The following KCNQ1 variants were observed in gnomAD, a reference collection of about 807,000 sequenced individuals.
KCNQ1 encodes the protein potassium voltage-gated channel subfamily KQT member 1.
KCNQ1 carries 49 observed loss-of-function variants against 72.4 expected under a neutral mutation model. The observed-to-expected ratio is 0.68, with a 90% CI of 0.54 to 0.86. KCNQ1 has a LOEUF of 0.86. Ranked by LOEUF, KCNQ1 falls within the 40% of genes least tolerant of loss-of-function variation. The pLI, the probability that KCNQ1 is intolerant of heterozygous loss-of-function variation, is 0.00. For synonymous variants in KCNQ1, 450 were observed against 412.6 expected (o/e 1.09, Z -1.10); for missense variants, 790 against 945.1 (o/e 0.84, Z 2.15).
rs141458220 is a variant in KCNQ1 at position 2,651,957 on chromosome 11, G to C, written c.1394-10004G>C. On this transcript the variant is annotated intron_variant, in intron 10 of 15. Transcript: ENST00000155840. The surrounding 1 kb of genome is among the most constrained non-coding windows in gnomAD (Gnocchi z 6.1). ...CAGCCCTCCTGCAGCCAGCAGCAGT[G>C]GGGGAGCCAAGCTGAGTTGATTACT... 1.0e-5 allele frequency: 4 copies of C among 398,686 alleles called. No homozygotes were observed. Among genetic ancestry groups the C allele is most frequent in the Non-Finnish European group, 1.8e-5 (4 of 226,122 alleles). 24.7% of individuals were successfully genotyped at this position (398,686 alleles called of 1,614,324 possible). A position where few individuals can be genotyped will look rare whatever the true frequency, so the allele number is the denominator to read the frequency against.
At position 2,585,200 on chromosome 11, in the gene KCNQ1, A is replaced by C. The variant is rs200423553; in HGVS notation, c.1033-12A>C. The C allele has an allele frequency of 3.1e-6, 5 of 1,613,222 alleles. No individual in the cohort carries two copies. The Admixed American group carries it at 5.0e-5, about 16-fold the overall frequency. ...CTGTGTGGACGGGAGCCTCCTGTCCATTCCTTCCCAGGGGATTCTTGGCTC... is the reference window on the plus strand; with the variant it reads ...CTGTGTGGACGGGAGCCTCCTGTCCCTTCCTTCCCAGGGGATTCTTGGCTC... On this transcript the variant is annotated splice_polypyrimidine_tract_variant and intron_variant, in intron 7 of 15. Transcript: ENST00000155840.
intron 6 of KCNQ1, among the ~76,000 whole-genome samples, chr11:2,583,192 G>T (rs925642746): frequency 6.6e-6 from 1 of 152,166 alleles, no homozygotes; most frequent in African/African-American, 2.4e-5. Context: ...GCCCTTCGTG[G>T]GTGCTGGGCT....
Position 2,602,357 on chromosome 11 carries a change from A to C in KCNQ1, c.1393+13503A>C, listed in dbSNP as rs753264303. On this transcript the variant is annotated intron_variant, in intron 10 of 15. Transcript: ENST00000155840. This position sits in a 1 kb window ranked among gnomAD's most constrained non-coding sequence, Gnocchi z 4.8. Reference sequence around the variant, plus strand: ...TACAGCAGCCATGGGAACCTTATACATTGATAAGGATGACATGAATATTCT... The same window carrying C: ...TACAGCAGCCATGGGAACCTTATACCTTGATAAGGATGACATGAATATTCT... 6.6e-6 allele frequency among the ~76,000 whole-genome samples: 1 copy of C among 151,992 alleles called. No individual in the cohort carries two copies. Among genetic ancestry groups the C allele is most frequent in the East Asian group, 1.9e-4 (1 of 5,190 alleles).
At position 2,498,130 on chromosome 11, in the gene KCNQ1, T is replaced by C. The variant is rs7945539; in HGVS notation, c.387-29798T>C. On this transcript the variant is annotated intron_variant, in intron 1 of 15. Transcript: ENST00000155840. This position sits in a 1 kb window ranked among gnomAD's most constrained non-coding sequence, Gnocchi z 4.8. ...TTGACCCCTGTTGGGAGGTCTTGCC[T>C]GCTCAGGAGGCATGGGGCTCAGGGA... 0.54 allele frequency among the ~76,000 whole-genome samples: 81,462 copies of C among 152,086 alleles called. 23,282 individuals carry two copies. Among genetic ancestry groups the C allele is most frequent in the Non-Finnish European group, 0.64 (43,504 of 67,986 alleles).
Position 2,572,950 on chromosome 11 carries a change from G to A in KCNQ1, c.885G>A (p.Glu295=). The change falls in exon 6 of 16, where the codon GAG becomes GAA. Residue 295 remains glutamate (E), a synonymous_variant. Transcript: ENST00000155840. ...CGGTGAACGAGTCAGGCCGCGTGGA[G>A]TTCGGCAGCTACGCAGATGCGCTGT... ...KDAVNESGRV[E]FGSYADALWW... The A allele has an allele frequency of 6.2e-7, 1 of 1,613,840 alleles. No homozygotes were observed. The highest frequency in any genetic ancestry group is 8.5e-7 in the Non-Finnish European group (1 of 1,180,018).
intron 1 of KCNQ1, among the ~76,000 whole-genome samples, chr11:2,525,473 A>C (rs78982111): frequency 0.02 from 3,036 of 152,334 alleles, 107 homozygotes; most frequent in African/African-American, 0.069. Flanking sequence ...AGGAGCACCC[A>C]GAGGGAGCCT....
chr11:2,713,743 C>T lies in KCNQ1; in HGVS notation c.1514+51662C>T, dbSNP rs1564868357. 6.6e-6 allele frequency among the ~76,000 whole-genome samples: 1 copy of T among 152,202 alleles called. No individual in the cohort carries two copies. Among genetic ancestry groups the T allele is most frequent in the Non-Finnish European group, 1.5e-5 (1 of 68,048 alleles). On this transcript the variant is annotated intron_variant, in intron 11 of 15. Coordinates refer to ENST00000155840, the MANE Select transcript of KCNQ1 (RefSeq NM_000218.3). The surrounding 1 kb of genome is among the most constrained non-coding windows in gnomAD (Gnocchi z 5.6). Reference sequence around the variant, plus strand: ...GAAGGCCTGGGGAGGAATCTGGGTTCTCTTGGCTGCTGGTAAGATTATCCA... The same window carrying T: ...GAAGGCCTGGGGAGGAATCTGGGTTTTCTTGGCTGCTGGTAAGATTATCCA...
chr11:2,637,283 A>G (rs1849487273), intron 10 of KCNQ1: 1 of 152,080 alleles, frequency 6.6e-6, no homozygotes, highest in South Asian at 2.1e-4. Context: ...TAGGGCATCA[A>G]TTTTAGATTT....
intron 1 of KCNQ1, among the ~76,000 whole-genome samples, chr11:2,512,590 C>T (rs1847228196): frequency 6.6e-6 from 1 of 152,246 alleles, no homozygotes; most frequent in African/African-American, 2.4e-5. Flanking sequence ...CGGGGATGTG[C>T]AGCCCTGCCC....
Position 2,776,299 on chromosome 11 carries a change from A to G in KCNQ1, c.1685+245A>G, listed in dbSNP as rs111975940. 1.6e-3 allele frequency among the ~76,000 whole-genome samples: 242 copies of G among 152,126 alleles called. 1 individual carries two copies. Among genetic ancestry groups the G allele is most frequent in the African/African-American group, 5.6e-3 (232 of 41,514 alleles). ...CGCCCGGATCTGAGATGATGGGGGA[A>G]TTGGGGTAGGGGAGGCGCGTAGGGG... On this transcript the variant is annotated intron_variant, in intron 13 of 15. Coordinates refer to ENST00000155840, the MANE Select transcript of KCNQ1 (RefSeq NM_000218.3).
Position 2,446,964 on chromosome 11 carries a change from G to A in KCNQ1, c.386+1480G>A, listed in dbSNP as rs544910770. 1.6e-4 allele frequency among the ~76,000 whole-genome samples: 25 copies of A among 152,218 alleles called. No homozygotes were observed. The highest frequency in any genetic ancestry group is 6.5e-4 in the Admixed American group (10 of 15,282). ...GCCAGGTTCACAGGTGCTGTGTGCT[G>A]GTGGCCACCTGCCTCCCGGACCCCA... On this transcript the variant is annotated intron_variant, in intron 1 of 15. Transcript: ENST00000155840. This position sits in a 1 kb window ranked among gnomAD's most constrained non-coding sequence, Gnocchi z 8.8.
In KCNQ1 at chr11:2,687,466, G is replaced by A. The variant is rs1850509981; in HGVS notation, c.1514+25385G>A. 1 of 398,694 alleles carries A rather than the reference G, an allele frequency of 2.5e-6. No homozygotes were observed. Among genetic ancestry groups the A allele is most frequent in the African/African-American group, 2.1e-5 (1 of 48,612 alleles). The allele number at this position is 398,694 out of a possible 1,614,324, so 24.7% of individuals were successfully genotyped here. On this transcript the variant is annotated intron_variant, in intron 11 of 15. Coordinates refer to ENST00000155840, the MANE Select transcript of KCNQ1 (RefSeq NM_000218.3). This position sits in a 1 kb window ranked among gnomAD's most constrained non-coding sequence, Gnocchi z 5.0. ...GATCCCTGCCTGCACAAGAGCTGCT[G>A]CAGCATTTCAATAGGGCCATCCCAG... is the stretch of plus-strand genomic sequence containing the variant.
At chr11:2,834,452 C>T (rs564057982) in intron 15 of KCNQ1, among the ~76,000 whole-genome samples, 1 of 152,316 alleles carries the variant, frequency 6.6e-6, no homozygotes, top group South Asian at 2.1e-4. Flanking sequence ...CTCAAGGCCT[C>T]CAGGCACAGC....
Position 2,657,970 on chromosome 11 carries a change from G to A in KCNQ1, c.1394-3991G>A, listed in dbSNP as rs541675608. The A allele has an allele frequency of 7.5e-6, 3 of 398,460 alleles. No individual in the cohort carries two copies. In the South Asian group the frequency reaches 3.8e-4, roughly 51 times the overall value. The allele number at this position is 398,460 out of a possible 1,614,324, so 24.7% of individuals were successfully genotyped here. On this transcript the variant is annotated intron_variant, in intron 10 of 15. Transcript: ENST00000155840. The surrounding 1 kb of genome is among the most constrained non-coding windows in gnomAD (Gnocchi z 4.8). The stretch of plus-strand genomic sequence containing the variant: ...CCTTGAGCCACTCGTTTAAAGTGGT[G>A]TCGGCCAGGCTCCTCCACTGTAAGT...
chr11:2,654,530 G>C lies in KCNQ1; in HGVS notation c.1394-7431G>C. ...GAGCCCTGGAAAGCTTGTGGAAGAG[G>C]GCTTGGGTTACACCTGGGAGATTAG... On this transcript the variant is annotated intron_variant, in intron 10 of 15. Transcript: ENST00000155840. This position sits in a 1 kb window ranked among gnomAD's most constrained non-coding sequence, Gnocchi z 6.4. The C allele has an allele frequency of 2.5e-6, 1 of 398,800 alleles. No homozygotes were observed. The highest frequency in any genetic ancestry group is 3.6e-5 in the East Asian group (1 of 28,074). 24.7% of individuals were successfully genotyped at this position (398,800 alleles called of 1,614,324 possible). A position where few individuals can be genotyped will look rare whatever the true frequency, so the allele number is the denominator to read the frequency against.
In KCNQ1 at chr11:2,559,331, C is replaced by T. The variant is rs1165381573; in HGVS notation, c.478-11297C>T. On this transcript the variant is annotated intron_variant, in intron 2 of 15. Transcript: ENST00000155840. This position sits in a 1 kb window ranked among gnomAD's most constrained non-coding sequence, Gnocchi z 4.9. The stretch of plus-strand genomic sequence containing the variant: ...TGGCTCCCCTTAGGCCAGGGGTAGA[C>T]GCAGGCACAGGGAGGATCAGGAAAG... Among the ~76,000 whole-genome samples, 6 of 152,286 alleles carry T rather than the reference C, an allele frequency of 3.9e-5. No individual in the cohort carries two copies. The highest frequency in any genetic ancestry group is 4.1e-4 in the South Asian group (2 of 4,828).
chr11:2,665,026 G>T (rs748704337), intron 11 of KCNQ1: 3 of 398,534 alleles, frequency 7.5e-6, no homozygotes, highest in South Asian at 1.3e-4. Context: ...GAGGTGGGGT[G>T]GGGGGTGAGC....
At position 2,711,438 on chromosome 11, in the gene KCNQ1, G is replaced by A. The variant is rs1472830715; in HGVS notation, c.1514+49357G>A. Among the ~76,000 whole-genome samples, 3 of 152,102 alleles carry A rather than the reference G, an allele frequency of 2.0e-5. No homozygotes were observed. Among genetic ancestry groups the A allele is most frequent in the Admixed American group, 6.5e-5 (1 of 15,268 alleles). On this transcript the variant is annotated intron_variant, in intron 11 of 15. Transcript: ENST00000155840. The surrounding 1 kb of genome is among the most constrained non-coding windows in gnomAD (Gnocchi z 5.4). Reference sequence around the variant, plus strand: ...GAGTGTTCTCTCTCCTCCCTTTTCTGTGAGCCGTCATGAAACACCTCCTGT... The same window carrying A: ...GAGTGTTCTCTCTCCTCCCTTTTCTATGAGCCGTCATGAAACACCTCCTGT...
intron 10 of KCNQ1, among the ~76,000 whole-genome samples, chr11:2,591,484 C>T (rs1203678999): frequency 6.6e-6 from 1 of 152,244 alleles, no homozygotes; most frequent in East Asian, 1.9e-4. Context: ...CCCAGTGCCC[C>T]CACAGCTCCG....
Sources: allele counts gnomAD v4.1 joint callset (sites outside exome capture counted in the v4.1 genomes callset), GRCh38; gene constraint gnomAD v4.1.1; non-coding constraint Gnocchi (gnomAD v3.1); transcripts MANE v1.5; gene names NCBI Gene and HGNC (gene_info 2026-07-23, HGNC 2026-07-21).